The following CPED1 variants were observed in gnomAD, a reference collection of about 807,000 sequenced individuals.
CPED1 encodes the protein cadherin like and PC-esterase domain containing 1, also known as cadherin-like and PC-esterase domain-containing protein 1.
A neutral mutation model predicts 128.2 loss-of-function variants in CPED1; 114 were observed. The observed-to-expected ratio is 0.89, with a 90% CI of 0.76 to 1.04. The LOEUF (loss-of-function observed/expected upper bound fraction) is 1.04. Ranked by LOEUF, CPED1 falls within the 50% of genes least tolerant of loss-of-function variation. The pLI, the probability that CPED1 is intolerant of heterozygous loss-of-function variation, is 0.00. For missense variants in CPED1, 1,211 were observed against 1,207.1 expected, an observed-to-expected ratio of 1.00 and a Z score of -0.05; for synonymous variants, 462 against 426.7, an observed-to-expected ratio of 1.08 and a Z score of -1.02.
intron 22 of CPED1, among the ~76,000 whole-genome samples, chr7:121,286,291 GT>G (rs1792570932): frequency 6.6e-6 from 1 of 152,130 alleles, no homozygotes; most frequent in African/African-American, 2.4e-5. Context: ...TGAGATTCAG[GT>G]GGGGACATGG....
At chr7:121,121,878 G>A (rs13245677) in intron 7 of CPED1, among the ~76,000 whole-genome samples, 49,285 of 152,070 alleles carry the variant, frequency 0.32, 8,465 homozygotes, top group Middle Eastern at 0.49. Flanking sequence ...CAGAACTCAT[G>A]TAATTTGACC....
Position 121,015,814 on chromosome 7 carries a change from C to T in CPED1, c.399C>T (p.Leu133=). 2 of 1,586,326 alleles carry T rather than the reference C, an allele frequency of 1.3e-6. No homozygotes were observed. Among genetic ancestry groups the T allele is most frequent in the Non-Finnish European group, 1.7e-6 (2 of 1,170,784 alleles). The part of the protein sequence containing the change: ...GYTVVIAEER[L]NAGLGPGLLE... ...CGGTTGTCATCGCTGAAGAAAGGCT[C>T]AATGCTGGCCTAGGGCCGGGGCTAC... Residue 133 remains leucine (L), a synonymous_variant, in exon 3 of 23, where the codon CTC becomes CTT. Transcript: ENST00000310396.
chr7:121,295,346 G>A, intron 22 of CPED1, 94 bp from the exon 23 acceptor site: 1 of 1,420,640 alleles, frequency 7.0e-7, no homozygotes, highest in South Asian at 1.4e-5. Flanking sequence ...CAACATCTGT[G>A]TGGCAGAGAT....
At chr7:121,064,907 C>T (rs1793788359) in intron 5 of CPED1, among the ~76,000 whole-genome samples, 1 of 152,028 alleles carries the variant, frequency 6.6e-6, no homozygotes, top group Non-Finnish European at 1.5e-5. Flanking sequence ...AAATGATGGC[C>T]TACTTTAAAA....
chr7:121,271,708 A>T (rs577626937), intron 22 of CPED1, among the ~76,000 whole-genome samples: 2 of 152,054 alleles, frequency 1.3e-5, no homozygotes, highest in African/African-American at 2.4e-5. Context: ...GAGAGCACTT[A>T]TTTTCTCTAA....
chr7:120,997,639 G>C (rs1796429581), intron 2 of CPED1, among the ~76,000 whole-genome samples: 1 of 152,192 alleles, frequency 6.6e-6, no homozygotes, highest in African/African-American at 2.4e-5. Flanking sequence ...GAAGGCAGTA[G>C]ATGGGGCGTG....
chr7:121,161,712 G>C (rs967345754), intron 16 of CPED1, among the ~76,000 whole-genome samples: 1 of 152,018 alleles, frequency 6.6e-6, no homozygotes, highest in Non-Finnish European at 1.5e-5. Flanking sequence ...ATTTCCCTGG[G>C]GGAAAGCTTT....
intron 5 of CPED1, 87 bp from the exon 6 acceptor site, chr7:121,097,612 C>T (rs1794730211): frequency 7.0e-7 from 1 of 1,427,330 alleles, no homozygotes; most frequent in Non-Finnish European, 9.6e-7. Context: ...ATGTACCCTG[C>T]AGTTTAATAC....
chr7:121,058,792 A>G (rs957666661), intron 4 of CPED1, among the ~76,000 whole-genome samples: 15 of 152,364 alleles, frequency 9.8e-5, no homozygotes, highest in Middle Eastern at 3.4e-3. Context: ...TTGAAGCTTT[A>G]TGAACCAAGA....
intron 17 of CPED1, among the ~76,000 whole-genome samples, chr7:121,243,702 T>C (rs1798453101): frequency 6.6e-6 from 1 of 152,098 alleles, no homozygotes; most frequent in Non-Finnish European, 1.5e-5. Flanking sequence ...CAAAGAAAAA[T>C]AACTAATCTT....
intron 2 of CPED1, among the ~76,000 whole-genome samples, chr7:121,014,244 G>T (rs1792237971): frequency 6.6e-6 from 1 of 152,162 alleles, no homozygotes; most frequent in African/African-American, 2.4e-5. Context: ...AAATGATCTT[G>T]TGTTCCTTAA....
chr7:121,258,004 A>C (rs2116727222), intron 18 of CPED1, among the ~76,000 whole-genome samples: 1 of 152,198 alleles, frequency 6.6e-6, no homozygotes, highest in Admixed American at 6.5e-5. Flanking sequence ...TAAGGACAGC[A>C]GGACATTAAT....
At chr7:121,218,242 G>A (rs567606556) in intron 16 of CPED1, among the ~76,000 whole-genome samples, 8 of 151,000 alleles carry the variant, frequency 5.3e-5, no homozygotes, top group African/African-American at 1.5e-4. Flanking sequence ...TGATTTGTCC[G>A]TCTTGGACTC....
At chr7:121,191,553 A>G (rs1241779067) in intron 16 of CPED1, among the ~76,000 whole-genome samples, 5 of 152,146 alleles carry the variant, frequency 3.3e-5, no homozygotes, top group African/African-American at 9.7e-5. Flanking sequence ...TCAGTTCTCC[A>G]GATCCTTCTG....
At chr7:121,165,462 G>C (rs996844079) in intron 16 of CPED1, among the ~76,000 whole-genome samples, 3 of 152,130 alleles carry the variant, frequency 2.0e-5, no homozygotes, top group Admixed American at 6.5e-5. Flanking sequence ...TTTTGTATGA[G>C]TAGCTTCAAA....
At position 121,081,817 on chromosome 7, in the gene CPED1, T is replaced by C. The variant is rs563823514; in HGVS notation, c.617-15882T>C. ...CAGGATTATTTTATAGATGTTACCC[T>C]AAAATAATAACAGGAGAGAACATTA... On this transcript the variant is annotated intron_variant, in intron 5 of 22. Coordinates refer to ENST00000310396, the MANE Select transcript of CPED1 (RefSeq NM_024913.5). 1.2e-4 allele frequency among the ~76,000 whole-genome samples: 19 copies of C among 152,298 alleles called. No homozygotes were observed. In the South Asian group the frequency reaches 2.9e-3, roughly 23 times the overall value.
intron 18 of CPED1, among the ~76,000 whole-genome samples, chr7:121,260,223 G>GTTTTTTTT (rs59370305): frequency 2.9e-5 from 2 of 69,978 alleles, no homozygotes; most frequent in African/African-American, 5.7e-5. Flanking sequence ...CTTGCTTCGC[G>GTTTTTTTT]TTTTTTTTTT....
At chr7:121,255,580 A>G (rs1318658199) in intron 18 of CPED1, among the ~76,000 whole-genome samples, 5 of 152,054 alleles carry the variant, frequency 3.3e-5, no homozygotes, top group Non-Finnish European at 7.4e-5. Context: ...TCAGGCAGAG[A>G]AAGAAATAAA....
chr7:121,194,037 TA>T lies in CPED1; in HGVS notation c.2056-42676del, dbSNP rs1563060904. On this transcript the variant is annotated intron_variant, in intron 16 of 22. Coordinates refer to ENST00000310396, the MANE Select transcript of CPED1 (RefSeq NM_024913.5). ...CTCTCTCTCTCTATATATATATATA[TA>T]TATATATATATTTTTTTTTTTTTTT... 3.1e-4 allele frequency among the ~76,000 whole-genome samples: 34 copies of T among 110,150 alleles called. 1 individual carries two copies. Among genetic ancestry groups the T allele is most frequent in the African/African-American group, 1.2e-3 (33 of 27,204 alleles). 72.3% of individuals were successfully genotyped at this position (110,150 alleles called of 152,430 possible).
Sources: allele counts gnomAD v4.1 joint callset (sites outside exome capture counted in the v4.1 genomes callset), GRCh38; gene constraint gnomAD v4.1.1; transcripts MANE v1.5; gene names NCBI Gene and HGNC (gene_info 2026-07-23, HGNC 2026-07-21).